Variants in IL1RAPL1 observed in about 807,000 individuals in gnomAD.
IL1RAPL1 encodes the protein interleukin-1 receptor accessory protein-like 1.
IL1RAPL1 carries 3 observed loss-of-function variants against 48.4 expected under a neutral mutation model. The ratio of observed to expected loss-of-function variants is 0.06; its 90% CI spans 0.03 to 0.16. The LOEUF (loss-of-function observed/expected upper bound fraction) is 0.16. IL1RAPL1 is among the 10% of genes least tolerant of loss of function. The pLI, the probability that IL1RAPL1 is intolerant of heterozygous loss-of-function variation, is 1.00. For missense variants in IL1RAPL1, 349 were observed against 530.6 expected (o/e 0.66, Z 3.36); for synonymous variants, 185 against 187.7 (o/e 0.99, Z 0.12).
chrX:28,764,008 C>A (rs1363860968), intron 1 of IL1RAPL1, among the ~76,000 whole-genome samples: 1 of 110,466 alleles, frequency 9.1e-6, no homozygotes. Context: ...TAAAGCCTAC[C>A]CCACAGGAAC....
chrX:28,774,385 C>G (rs1459580548), intron 1 of IL1RAPL1, among the ~76,000 whole-genome samples: 1 of 111,673 alleles, frequency 9.0e-6, no homozygotes, highest in Non-Finnish European at 1.9e-5. Context: ...TCCGGGTCCT[C>G]TGGCTCAGGA....
At chrX:29,777,658 C>T (rs768172044) in intron 6 of IL1RAPL1, among the ~76,000 whole-genome samples, 25 of 110,997 alleles carry the variant, frequency 2.3e-4, no homozygotes, top group African/African-American at 7.8e-4. Flanking sequence ...TTTCCCCCCA[C>T]TCAAAGTTTG....
intron 2 of IL1RAPL1, among the ~76,000 whole-genome samples, chrX:28,798,859 T>C (rs938299140): frequency 8.1e-5 from 9 of 111,363 alleles, no homozygotes; most frequent in Non-Finnish European, 1.7e-4. Flanking sequence ...AAAGGAAGGA[T>C]GAGAGATGCG....
chrX:28,985,425 C>T (rs1295969827), intron 2 of IL1RAPL1, among the ~76,000 whole-genome samples: 1 of 111,669 alleles, frequency 9.0e-6, no homozygotes, highest in East Asian at 2.8e-4. Context: ...CTAAGTGATC[C>T]TACATAACAC....
At chrX:29,545,937 T>C (rs1602289635) in intron 5 of IL1RAPL1, among the ~76,000 whole-genome samples, 1 of 111,867 alleles carries the variant, frequency 8.9e-6, no homozygotes, top group South Asian at 3.7e-4. Flanking sequence ...TTAATCTCCC[T>C]ACTAGAAATT....
chrX:29,783,351 G>A (rs943975565), intron 6 of IL1RAPL1, among the ~76,000 whole-genome samples: 2 of 111,658 alleles, frequency 1.8e-5, no homozygotes, highest in African/African-American at 3.3e-5. Flanking sequence ...CCTGATTAGA[G>A]GAGGGAACAA....
intron 2 of IL1RAPL1, among the ~76,000 whole-genome samples, chrX:29,275,257 G>A (rs1037828042): frequency 1.8e-5 from 2 of 111,300 alleles, no homozygotes; most frequent in African/African-American, 6.5e-5. Context: ...ACTCTGAGAG[G>A]GGAGCACAAA....
intron 6 of IL1RAPL1, among the ~76,000 whole-genome samples, chrX:29,912,209 G>C (rs1487624088): frequency 8.9e-6 from 1 of 111,777 alleles, no homozygotes; most frequent in Non-Finnish European, 1.9e-5. Context: ...GAATGAGGAG[G>C]CTCTGTACTT....
intron 6 of IL1RAPL1, among the ~76,000 whole-genome samples, chrX:29,672,484 G>A (rs925380745): frequency 9.0e-6 from 1 of 111,388 alleles, no homozygotes; most frequent in Non-Finnish European, 1.9e-5. Flanking sequence ...ACAAGTGGAT[G>A]CTCTTTGAGT....
In IL1RAPL1 at chrX:28,839,752, T is replaced by C. The variant is rs181580390; in HGVS notation, c.82+50327T>C. ...GAAATAATTTGTTTAAGTTTTTACA[T>C]TGCATATTTCAACAACTTGTCTTGA... is the stretch of plus-strand genomic sequence containing the variant. On this transcript the variant is annotated intron_variant, in intron 2 of 10. Transcript: ENST00000378993. Among the ~76,000 whole-genome samples the C allele has an allele frequency of 8.0e-4, 89 of 110,744 alleles. 1 individual carries two copies. The highest frequency in any genetic ancestry group is 3.9e-3 in the Admixed American group (40 of 10,368).
At chrX:29,615,205 A>G (rs1461343828) in intron 5 of IL1RAPL1, among the ~76,000 whole-genome samples, 1 of 112,118 alleles carries the variant, frequency 8.9e-6, no homozygotes, top group East Asian at 2.8e-4. Context: ...CACACGGGAA[A>G]AATCGAAAAA....
intron 1 of IL1RAPL1, among the ~76,000 whole-genome samples, chrX:28,757,670 A>T (rs769673629): frequency 8.9e-6 from 1 of 111,974 alleles, no homozygotes; most frequent in Non-Finnish European, 1.9e-5. Context: ...ATAGTAAGGC[A>T]GTTTCCAGCA....
chrX:29,196,931 A>G lies in IL1RAPL1; in HGVS notation c.83-86007A>G, dbSNP rs557788196. 4.9e-4 allele frequency among the ~76,000 whole-genome samples: 54 copies of G among 110,392 alleles called. 2 individuals are homozygous for G. In the South Asian group the frequency reaches 0.02, roughly 42 times the overall value. On this transcript the variant is annotated intron_variant, in intron 2 of 10. Coordinates refer to ENST00000378993, the MANE Select transcript of IL1RAPL1 (RefSeq NM_014271.4). ...TCCTGCCTTACCTTCTATCTAGTGT[A>G]TATTTTCCTAATCATAGGAGCTGGC...
intron 2 of IL1RAPL1, among the ~76,000 whole-genome samples, chrX:29,106,622 C>T: frequency 9.0e-6 from 1 of 110,596 alleles, no homozygotes; most frequent in East Asian, 2.8e-4. Context: ...AAATAATAGA[C>T]CTAATAATAT....
In IL1RAPL1 at chrX:29,768,663, T is replaced by G. The variant is rs181987764; in HGVS notation, c.778+100159T>G. ...TTCCCAGTGATGTGTACACTTTAGA[T>G]TTTTTTCCCAGACATAAGAGAAAAT... On this transcript the variant is annotated intron_variant, in intron 6 of 10. Transcript: ENST00000378993. Among the ~76,000 whole-genome samples, 20 of 112,012 alleles carry G rather than the reference T, an allele frequency of 1.8e-4. 1 individual carries two copies. In the East Asian group the frequency reaches 3.9e-3, roughly 22 times the overall value.
chrX:28,804,276 TA>T (rs921892884), intron 2 of IL1RAPL1, among the ~76,000 whole-genome samples: 4 of 111,580 alleles, frequency 3.6e-5, no homozygotes, highest in African/African-American at 1.3e-4. Flanking sequence ...TCTGGGGGAT[TA>T]AAAAAGATGA....
chrX:28,589,033 G>A (rs149340851), intron 1 of IL1RAPL1, among the ~76,000 whole-genome samples: 3,367 of 111,717 alleles, frequency 0.03, 60 homozygotes, highest in Non-Finnish European at 0.046. Context: ...GGATGTTTAA[G>A]CATATTCTGC....
chrX:29,674,862 C>T (rs190639675), intron 6 of IL1RAPL1, among the ~76,000 whole-genome samples: 2 of 111,969 alleles, frequency 1.8e-5, no homozygotes, highest in Admixed American at 1.9e-4. Flanking sequence ...AGATAATGGA[C>T]TCCAGCTCCA....
chrX:29,664,296 C>T (rs1602352928), intron 5 of IL1RAPL1, among the ~76,000 whole-genome samples: 1 of 106,627 alleles, frequency 9.4e-6, no homozygotes, highest in Non-Finnish European at 1.9e-5. Context: ...CCCAGCTACT[C>T]GGGAGGCTGA....
Sources: gnomAD v4.1 joint callset for allele counts (sites outside exome capture counted in the v4.1 genomes callset) on GRCh38, gnomAD v4.1.1 for gene constraint, MANE v1.5 for transcripts, NCBI Gene and HGNC (gene_info 2026-07-23, HGNC 2026-07-21) for gene names.